The following TNR variants were observed in gnomAD, a reference collection of about 807,000 sequenced individuals.
TNR encodes tenascin-R.
Under a neutral mutation model 150.4 loss-of-function variants are expected in TNR, and 45 were observed. That is an observed-to-expected ratio of 0.30 (90% confidence interval 0.24 to 0.38). The LOEUF (loss-of-function observed/expected upper bound fraction) is 0.38. Ranked by LOEUF, TNR falls within the 10% of genes least tolerant of loss-of-function variation. TNR has a pLI of 1.00. For synonymous variants in TNR, 687 were observed against 678.4 expected, an observed-to-expected ratio of 1.01 and a Z score of -0.20; for missense variants, 1,544 against 1,759.1, an observed-to-expected ratio of 0.88 and a Z score of 2.19.
chr1:175,631,101 T>G (rs1001895893), intron 1 of TNR, among the ~76,000 whole-genome samples: 3 of 152,210 alleles, frequency 2.0e-5, no homozygotes, highest in Non-Finnish European at 1.5e-5. Context: ...GAATGTCCTA[T>G]GAAAATAAAA....
At chr1:175,597,465 G>T (rs1247449608) in intron 1 of TNR, among the ~76,000 whole-genome samples, 1 of 152,200 alleles carries the variant, frequency 6.6e-6, no homozygotes, top group Admixed American at 6.5e-5. Flanking sequence ...GTGGATAGAG[G>T]GAGCATTCAG....
At chr1:175,431,657 G>C (rs1655267353) in intron 2 of TNR, among the ~76,000 whole-genome samples, 1 of 143,262 alleles carries the variant, frequency 7.0e-6, no homozygotes, top group Non-Finnish European at 1.5e-5. Context: ...TTTTTGTAAT[G>C]GGGCCAGGCC....
chr1:175,495,306 G>A (rs909984702), intron 2 of TNR, among the ~76,000 whole-genome samples: 2 of 152,142 alleles, frequency 1.3e-5, no homozygotes, highest in Non-Finnish European at 2.9e-5. Context: ...AGAGATTTTT[G>A]AGCTCCTCAA....
chr1:175,638,554 G>T (rs1038289458), intron 1 of TNR, among the ~76,000 whole-genome samples: 4 of 152,208 alleles, frequency 2.6e-5, no homozygotes, highest in African/African-American at 9.7e-5. Flanking sequence ...CCAGGGCAAG[G>T]GAAAGAGGTG....
At chr1:175,711,772 T>C (rs1349128314) in intron 1 of TNR, among the ~76,000 whole-genome samples, 10 of 151,948 alleles carry the variant, frequency 6.6e-5, no homozygotes, top group Admixed American at 6.6e-5. Context: ...CATGAGAGAG[T>C]GAGAGCAGTC....
At chr1:175,405,356 C>G (rs1408367756) in intron 3 of TNR, among the ~76,000 whole-genome samples, 1 of 152,132 alleles carries the variant, frequency 6.6e-6, no homozygotes, top group African/African-American at 2.4e-5. Context: ...AAGGAAGGCA[C>G]AGATATGGAA....
At chr1:175,458,899 G>GTCATCA (rs1367580840) in intron 2 of TNR, among the ~76,000 whole-genome samples, 1 of 151,672 alleles carries the variant, frequency 6.6e-6, no homozygotes, top group Non-Finnish European at 1.5e-5. Context: ...TCCTCCAACT[G>GTCATCA]TCATCATCGC....
At chr1:175,451,626 C>G (rs1280476877) in intron 2 of TNR, among the ~76,000 whole-genome samples, 2 of 152,190 alleles carry the variant, frequency 1.3e-5, no homozygotes, top group Non-Finnish European at 2.9e-5. Flanking sequence ...CCCAGAGGAG[C>G]AGACATGTGG....
At chr1:175,486,595 T>G (rs1658026851) in intron 2 of TNR, among the ~76,000 whole-genome samples, 1 of 152,228 alleles carries the variant, frequency 6.6e-6, no homozygotes, top group Admixed American at 6.5e-5. Flanking sequence ...CACATGTATG[T>G]GTCTTTATAG....
intron 20 of TNR, 68 bp downstream of exon 20, chr1:175,335,643 A>G: frequency 6.8e-7 from 1 of 1,468,854 alleles, no homozygotes; most frequent in South Asian, 1.2e-5. Flanking sequence ...TCAGATGGAC[A>G]CAAAAAGGAG....
chr1:175,492,497 G>A (rs891725575), intron 2 of TNR, among the ~76,000 whole-genome samples: 11 of 152,180 alleles, frequency 7.2e-5, no homozygotes, highest in Non-Finnish European at 1.6e-4. Flanking sequence ...TTCTGAGCAG[G>A]GTAGTTTGGG....
At position 175,367,496 on chromosome 1, in the gene TNR, G is replaced by A. The variant is rs150419599; in HGVS notation, c.1964-199C>T. On this transcript the variant is annotated intron_variant, in intron 9 of 22. Transcript: ENST00000367674. ...AAGTCAATAGGATGAACCAGCCCAC[G>A]CAGAGCTTCCTTCTTGCAGGCAGGC... Among the ~76,000 whole-genome samples the A allele has an allele frequency of 1.3e-4, 20 of 152,258 alleles. No homozygotes were observed. In the East Asian group the frequency reaches 2.9e-3, roughly 22 times the overall value.
chr1:175,354,278 G>A (rs1247451365), intron 18 of TNR, 113 bp downstream of exon 18: 1 of 1,382,450 alleles, frequency 7.2e-7, no homozygotes, highest in South Asian at 1.4e-5. Flanking sequence ...GAAGGAGGAG[G>A]CAACTGAGCT....
chr1:175,691,097 T>C (rs1039797661), intron 1 of TNR, among the ~76,000 whole-genome samples: 2 of 151,980 alleles, frequency 1.3e-5, no homozygotes, highest in African/African-American at 4.8e-5. Context: ...AACATCTCTA[T>C]AGTAAGTAGT....
chr1:175,345,296 C>A (rs551285534), intron 18 of TNR, among the ~76,000 whole-genome samples: 2 of 152,188 alleles, frequency 1.3e-5, no homozygotes, highest in African/African-American at 4.8e-5. Flanking sequence ...ACCTGCATTA[C>A]CAAGCAGAGG....
In TNR at chr1:175,403,625, GTCAA is replaced by G; in HGVS notation, c.500-13_500-10del. 6.2e-7 allele frequency: 1 copy of G among 1,602,210 alleles called. No homozygotes were observed. Among genetic ancestry groups the G allele is most frequent in the East Asian group, 2.2e-5 (1 of 44,698 alleles). ...GATATAGTCCAGTTGTCCTGGAATGGTCAAGGAGAAGGTCAAAGAGCAGCAGTGG... is the reference window on the plus strand; with the variant it reads ...GATATAGTCCAGTTGTCCTGGAATGGGGAGAAGGTCAAAGAGCAGCAGTGG... On this transcript the variant is annotated splice_polypyrimidine_tract_variant and intron_variant, in intron 3 of 22. Coordinates refer to ENST00000367674, the MANE Select transcript of TNR (RefSeq NM_003285.3).
rs879888184 is a variant in TNR, at chr1:175,517,051, GAGAGAGAA to G, written c.-64+11210_-64+11217del. 6.7e-4 allele frequency among the ~76,000 whole-genome samples: 87 copies of G among 128,946 alleles called. 1 individual carries two copies. The highest frequency in any genetic ancestry group is 1.7e-3 in the South Asian group (7 of 4,112). 84.6% of individuals were successfully genotyped at this position (128,946 alleles called of 152,430 possible). A position where few individuals can be genotyped will look rare whatever the true frequency, so the allele number is the denominator to read the frequency against. On this transcript the variant is annotated intron_variant, in intron 2 of 22. Transcript: ENST00000367674. ...AGAGAGAGAGAGAGAGAGAGAGAGA[GAGAGAGAA>G]AGAGAGAGAGACCTTCAAATACAGC...
rs60509940 is a variant in TNR at position 175,331,087 on chromosome 1, T to TTCTTTCTTTCTTTCTC, written c.3632-868_3632-853dup. ...TTTCTTTCTTTCTTTCCTTCTTTCT[T>TTCTTTCTTTCTTTCTC]TCTTTCTTTCTTTCTCTCTCTCTTT... is the stretch of plus-strand genomic sequence containing the variant. On this transcript the variant is annotated intron_variant, in intron 20 of 22. Transcript: ENST00000367674. 1.1e-3 allele frequency among the ~76,000 whole-genome samples: 126 copies of TTCTTTCTTTCTTTCTC among 113,486 alleles called. 10 individuals are homozygous for TTCTTTCTTTCTTTCTC. Among genetic ancestry groups the TTCTTTCTTTCTTTCTC allele is most frequent in the African/African-American group, 4.0e-3 (122 of 30,776 alleles). 74.5% of individuals were successfully genotyped at this position (113,486 alleles called of 152,430 possible). A position where few individuals can be genotyped will look rare whatever the true frequency, so the allele number is the denominator to read the frequency against.
chr1:175,436,913 C>G (rs1393650550), intron 2 of TNR, among the ~76,000 whole-genome samples: 1 of 152,184 alleles, frequency 6.6e-6, no homozygotes, highest in Non-Finnish European at 1.5e-5. Context: ...GAGACTTAGA[C>G]TCCCACACAA....
Sources: allele counts gnomAD v4.1 joint callset (sites outside exome capture counted in the v4.1 genomes callset), GRCh38; gene constraint gnomAD v4.1.1; transcripts MANE v1.5; gene names NCBI Gene and HGNC (gene_info 2026-07-23, HGNC 2026-07-21).